USP43: variants seen among roughly 807,000 people sequenced by gnomAD.
The protein encoded by USP43 is ubiquitin carboxyl-terminal hydrolase 43.
A neutral mutation model predicts 90.7 loss-of-function variants in USP43; 33 were observed. The observed-to-expected ratio is 0.36, with a 90% CI of 0.28 to 0.49. The LOEUF (loss-of-function observed/expected upper bound fraction) is 0.49, where lower values mean the gene tolerates loss of function less well. Ranked by LOEUF, USP43 falls within the 20% of genes least tolerant of loss-of-function variation. USP43 has a pLI of 0.98. For missense variants in USP43, 1,274 were observed against 1,476.4 expected (o/e 0.86, Z 2.25); for synonymous variants, 598 against 615.8 (o/e 0.97, Z 0.43).
At chr17:9,707,254 AGATT>A (rs770494956) in intron 12 of USP43, among the ~76,000 whole-genome samples, 1 of 152,208 alleles carries the variant, frequency 6.6e-6, no homozygotes, top group Admixed American at 6.5e-5. Flanking sequence ...GTACATACAT[AGATT>A]AAGACTAAAC....
intron 2 of USP43, among the ~76,000 whole-genome samples, chr17:9,662,313 C>T (rs1485644864): frequency 1.3e-5 from 2 of 152,208 alleles, no homozygotes; most frequent in African/African-American, 2.4e-5. Context: ...GTCCGCTATG[C>T]ATCCAAGTTA....
chr17:9,710,488 T>C (rs1028303229), intron 13 of USP43, among the ~76,000 whole-genome samples: 4 of 146,864 alleles, frequency 2.7e-5, no homozygotes, highest in Non-Finnish European at 4.5e-5. Context: ...AGGACTTTTC[T>C]AGGAAAGGTA....
At chr17:9,662,661 T>G (rs551031157) in intron 2 of USP43, among the ~76,000 whole-genome samples, 3 of 152,162 alleles carry the variant, frequency 2.0e-5, no homozygotes, top group Admixed American at 1.3e-4. Flanking sequence ...TGCTTCTTCA[T>G]CTGGGAGTCA....
intron 14 of USP43, among the ~76,000 whole-genome samples, chr17:9,717,563 C>T (rs910214350): frequency 6.6e-6 from 1 of 151,976 alleles, no homozygotes; most frequent in Non-Finnish European, 1.5e-5. Context: ...ATGCAGTTTG[C>T]TCATTCTCCC....
rs371125659 is a variant in USP43 at position 9,728,857 on chromosome 17, C to A, written c.3239C>A (p.Pro1080Gln). 8 of 1,613,754 alleles carry A rather than the reference C, an allele frequency of 5.0e-6. No individual in the cohort carries two copies. The Admixed American group carries it at 1.3e-4, about 27-fold the overall frequency. ...LRLPRKASRA[P>Q]RGSALGMSQR... is the part of the protein sequence containing the mutation. The stretch of plus-strand genomic sequence containing the variant: ...CTCCCTCGTAAAGCCAGCAGGGCCC[C>A]GAGAGGCAGTGCACTGGGCATGTCA... The change falls in exon 15 of 15, where the codon CCG becomes CAG. Residue 1080 changes from proline to glutamine, a missense_variant. Around this residue, in one of 6 missense-constraint regions of USP43, gnomAD observed 353 missense variants for 329.7 expected, o/e 1.07. Transcript: ENST00000285199. The surrounding 1 kb of genome is among the most constrained non-coding windows in gnomAD (Gnocchi z 6.2).
intron 9 of USP43, among the ~76,000 whole-genome samples, chr17:9,699,520 C>T (rs1437806431): frequency 6.6e-6 from 1 of 152,216 alleles, no homozygotes. Context: ...ATTTGAAACA[C>T]TCCTTTGGGT....
At chr17:9,715,242 C>T (rs2956062) in intron 14 of USP43, among the ~76,000 whole-genome samples, 14,750 of 152,126 alleles carry the variant, frequency 0.097, 1,064 homozygotes, top group East Asian at 0.39. Context: ...GGGAGGATCG[C>T]GTGAGTCCAA....
chr17:9,718,464 C>T (rs1353439789), intron 14 of USP43, among the ~76,000 whole-genome samples: 5 of 152,150 alleles, frequency 3.3e-5, no homozygotes, highest in African/African-American at 9.7e-5. Context: ...CCTTCCCCAG[C>T]GTGTGGCATT....
intron 7 of USP43, among the ~76,000 whole-genome samples, chr17:9,684,088 G>C (rs1299469907): frequency 6.6e-6 from 1 of 151,986 alleles, no homozygotes; most frequent in Non-Finnish European, 1.5e-5. Flanking sequence ...AGTCGGCCGA[G>C]ATTGCACCAC....
intron 14 of USP43, among the ~76,000 whole-genome samples, chr17:9,726,977 T>A (rs977819180): frequency 6.6e-6 from 1 of 152,164 alleles, no homozygotes; most frequent in Non-Finnish European, 1.5e-5. Context: ...TCTTTCTTTT[T>A]TTTTTTGGAG....
intron 9 of USP43, among the ~76,000 whole-genome samples, chr17:9,696,513 A>T (rs1915277190): frequency 6.6e-6 from 1 of 152,026 alleles, no homozygotes; most frequent in Non-Finnish European, 1.5e-5. Flanking sequence ...TCCTGCCCAG[A>T]TTTTTCTCTG....
intron 14 of USP43, among the ~76,000 whole-genome samples, chr17:9,718,195 A>G (rs1916712693): frequency 6.6e-6 from 1 of 152,186 alleles, no homozygotes; most frequent in African/African-American, 2.4e-5. Flanking sequence ...TAGGAGCTTA[A>G]CTATTATTTA....
intron 14 of USP43, among the ~76,000 whole-genome samples, chr17:9,720,690 G>A (rs1308001186): frequency 6.6e-6 from 1 of 152,010 alleles, no homozygotes; most frequent in African/African-American, 2.4e-5. Flanking sequence ...GTTTCTCTGT[G>A]TTGGTCAGGC....
intron 14 of USP43, among the ~76,000 whole-genome samples, chr17:9,725,496 G>A (rs371322087): frequency 2.8e-4 from 42 of 152,176 alleles, no homozygotes; most frequent in African/African-American, 9.7e-4. Flanking sequence ...TGATGTGAGC[G>A]TGGGGGCCTC....
chr17:9,646,227 C>G lies in USP43; in HGVS notation c.504+91C>G, dbSNP rs1040292964. On this transcript the variant is annotated intron_variant, in intron 1 of 14. Coordinates refer to ENST00000285199, the MANE Select transcript of USP43 (RefSeq NM_153210.5). The stretch of plus-strand genomic sequence containing the variant: ...GATCAGGAAAGGGTTTTCTTGGGGC[C>G]TTCTTTAAATGCCGTTGACCAGTTC... 1.3e-5 allele frequency: 18 copies of G among 1,345,866 alleles called. No individual in the cohort carries two copies. In the African/African-American group the frequency reaches 1.5e-4, roughly 12 times the overall value. The allele number at this position is 1,345,866 out of a possible 1,614,324, so 83.4% of individuals were successfully genotyped here. A position where few individuals can be genotyped will look rare whatever the true frequency, so the allele number is the denominator to read the frequency against.
intron 9 of USP43, among the ~76,000 whole-genome samples, chr17:9,696,944 C>T (rs1480384453): frequency 2.0e-5 from 3 of 152,206 alleles, no homozygotes; most frequent in African/African-American, 4.8e-5. Context: ...GGGCCAGGCA[C>T]GGTGGCTCAC....
Position 9,645,862 on chromosome 17 carries a change from A to AGGAACGCCCGCCC in USP43, c.234_246dup (p.Pro83ThrfsTer121). The stretch of plus-strand genomic sequence containing the variant: ...CCAGCGGCCCCCGGGAGCCCCGGGG[A>AGGAACGCCCGCCC]GGAACGCCCGCCCGGACCCCAGCCC... On this transcript the variant is annotated frameshift_variant, in exon 1 of 15. Coordinates refer to ENST00000285199, the MANE Select transcript of USP43 (RefSeq NM_153210.5). LOFTEE classifies it high-confidence loss of function. This position sits in a 1 kb window ranked among gnomAD's most constrained non-coding sequence, Gnocchi z 6.8. 1 of 1,418,790 alleles carries AGGAACGCCCGCCC rather than the reference A, an allele frequency of 7.0e-7. No individual in the cohort carries two copies. 87.9% of individuals were successfully genotyped at this position (1,418,790 alleles called of 1,614,324 possible).
At chr17:9,708,672 G>T (rs1916021053) in intron 12 of USP43, among the ~76,000 whole-genome samples, 1 of 152,130 alleles carries the variant, frequency 6.6e-6, no homozygotes, top group Non-Finnish European at 1.5e-5. Context: ...GTGTTGCCCG[G>T]GTTGGAGTGC....
chr17:9,709,360 T>G lies in USP43; in HGVS notation c.2012-596T>G, dbSNP rs569263142. On this transcript the variant is annotated intron_variant, in intron 12 of 14. Coordinates refer to ENST00000285199, the MANE Select transcript of USP43 (RefSeq NM_153210.5). This position sits in a 1 kb window ranked among gnomAD's most constrained non-coding sequence, Gnocchi z 5.0. ...TGACATTATTGTTTGGCTACCTAACTTGGGAGCTCCCTTTTATTTGAGATT... is the reference window on the plus strand; with the variant it reads ...TGACATTATTGTTTGGCTACCTAACGTGGGAGCTCCCTTTTATTTGAGATT... 6.6e-6 allele frequency among the ~76,000 whole-genome samples: 1 copy of G among 152,292 alleles called. No homozygotes were observed. Among genetic ancestry groups the G allele is most frequent in the Admixed American group, 6.5e-5 (1 of 15,306 alleles).
Sources: allele counts gnomAD v4.1 joint callset (sites outside exome capture counted in the v4.1 genomes callset), GRCh38; gene constraint gnomAD v4.1.1; regional missense constraint gnomAD v4.1.1; non-coding constraint Gnocchi (gnomAD v3.1); transcripts MANE v1.5; gene names NCBI Gene and HGNC (gene_info 2026-07-23, HGNC 2026-07-21).